The following CHST11 variants were observed in gnomAD, a reference collection of about 807,000 sequenced individuals.
The protein encoded by CHST11 is carbohydrate sulfotransferase 11.
In CHST11, 9 loss-of-function variants were observed where a neutral mutation model predicts 30.4. That is an observed-to-expected ratio of 0.30 (90% CI 0.18 to 0.52). The LOEUF is 0.52. CHST11 is among the 20% of genes least tolerant of loss of function. The pLI, the probability that CHST11 is intolerant of heterozygous loss-of-function variation, is 0.97. For missense variants in CHST11, 348 were observed against 460.6 expected (o/e 0.76, Z 2.24); for synonymous variants, 152 against 187.8 (o/e 0.81, Z 1.56).
chr12:104,746,983 A>G (rs2040393043), intron 2 of CHST11, among the ~76,000 whole-genome samples: 1 of 152,188 alleles, frequency 6.6e-6, no homozygotes, highest in African/African-American at 2.4e-5. Flanking sequence ...CTGGCCCAAG[A>G]TCATATGCCG....
chr12:104,466,819 T>A (rs2037464548), intron 1 of CHST11, among the ~76,000 whole-genome samples: 1 of 152,328 alleles, frequency 6.6e-6, no homozygotes, highest in Admixed American at 6.5e-5. Context: ...ATAGGATCCT[T>A]TCTGACTAGT....
intron 1 of CHST11, among the ~76,000 whole-genome samples, chr12:104,513,060 G>C (rs1351380174): frequency 6.8e-6 from 1 of 148,028 alleles, no homozygotes; most frequent in Non-Finnish European, 1.5e-5. Context: ...AGGTATGCAG[G>C]TCTTGAGGGG....
intron 1 of CHST11, among the ~76,000 whole-genome samples, chr12:104,537,330 C>T (rs942396884): frequency 1.3e-5 from 2 of 152,162 alleles, no homozygotes; most frequent in African/African-American, 2.4e-5. Flanking sequence ...CAGGCAGGTG[C>T]CCAGCATTGA....
At chr12:104,520,801 G>A (rs2038066946) in intron 1 of CHST11, among the ~76,000 whole-genome samples, 1 of 152,146 alleles carries the variant, frequency 6.6e-6, no homozygotes, top group Non-Finnish European at 1.5e-5. Context: ...GCTTGTATCT[G>A]CTCAGGAAGT....
At chr12:104,746,808 C>T (rs1027931887) in intron 2 of CHST11, among the ~76,000 whole-genome samples, 1 of 152,176 alleles carries the variant, frequency 6.6e-6, no homozygotes, top group Non-Finnish European at 1.5e-5. Context: ...TATTTTTCTC[C>T]TTTCTTTTCT....
intron 2 of CHST11, among the ~76,000 whole-genome samples, chr12:104,654,364 C>A (rs887568362): frequency 6.6e-6 from 1 of 152,044 alleles, no homozygotes; most frequent in African/African-American, 2.4e-5. Flanking sequence ...GGGCTGAGAG[C>A]GTGAGAAGCT....
chr12:104,477,474 G>A (rs1014518951), intron 1 of CHST11, among the ~76,000 whole-genome samples: 6 of 152,154 alleles, frequency 3.9e-5, no homozygotes, highest in East Asian at 3.9e-4. Flanking sequence ...TGAATGCTGC[G>A]TCTCTCCCTA....
chr12:104,653,920 C>T (rs2039518383), intron 2 of CHST11, among the ~76,000 whole-genome samples: 1 of 152,160 alleles, frequency 6.6e-6, no homozygotes, highest in South Asian at 2.1e-4. Context: ...TTCTATTTCA[C>T]CTGCAGGGGG....
chr12:104,678,714 G>C (rs1324978937), intron 2 of CHST11, among the ~76,000 whole-genome samples: 1 of 151,970 alleles, frequency 6.6e-6, no homozygotes, highest in East Asian at 1.9e-4. Flanking sequence ...AAAGGACAAG[G>C]TTTTTATTTT....
chr12:104,717,220 G>A (rs1057409839), intron 2 of CHST11, among the ~76,000 whole-genome samples: 5 of 152,196 alleles, frequency 3.3e-5, no homozygotes, highest in African/African-American at 1.2e-4. Context: ...TTAGGATGTG[G>A]ACATCTTGGA....
At chr12:104,572,627 A>G (rs2038640006) in intron 1 of CHST11, among the ~76,000 whole-genome samples, 1 of 151,910 alleles carries the variant, frequency 6.6e-6, no homozygotes, top group African/African-American at 2.4e-5. Flanking sequence ...TAGTCTTGGT[A>G]GCAGTCTATC....
At chr12:104,693,069 C>A (rs367843032) in intron 2 of CHST11, among the ~76,000 whole-genome samples, 7 of 152,080 alleles carry the variant, frequency 4.6e-5, no homozygotes, top group African/African-American at 1.7e-4. Flanking sequence ...GACTGTCTTG[C>A]TGCATCCTCA....
chr12:104,659,008 C>T (rs180826174), intron 2 of CHST11, among the ~76,000 whole-genome samples: 4 of 152,330 alleles, frequency 2.6e-5, no homozygotes, highest in African/African-American at 9.6e-5. Context: ...ACTTAATAGG[C>T]GTAATATTCC....
chr12:104,746,777 A>G (rs2040391665), intron 2 of CHST11, among the ~76,000 whole-genome samples: 2 of 152,164 alleles, frequency 1.3e-5, no homozygotes, highest in African/African-American at 4.8e-5. Flanking sequence ...TCCAGACCAG[A>G]TCGTTTCTTT....
intron 2 of CHST11, among the ~76,000 whole-genome samples, chr12:104,671,197 C>T (rs1321688966): frequency 2.0e-5 from 3 of 152,228 alleles, no homozygotes; most frequent in Non-Finnish European, 4.4e-5. Flanking sequence ...GGCACACCCT[C>T]CTCCGCAAAG....
intron 2 of CHST11, among the ~76,000 whole-genome samples, chr12:104,703,732 G>A (rs1317348218): frequency 6.6e-6 from 1 of 152,228 alleles, no homozygotes; most frequent in African/African-American, 2.4e-5. Flanking sequence ...TCACTGTGTG[G>A]TTCCTCGCAT....
chr12:104,636,393 T>C (rs1056201656), intron 2 of CHST11, among the ~76,000 whole-genome samples: 2 of 152,226 alleles, frequency 1.3e-5, no homozygotes, highest in Non-Finnish European at 2.9e-5. Flanking sequence ...CTCAACTGTT[T>C]ATACAGTTCT....
At chr12:104,714,857 A>G (rs1245437864) in intron 2 of CHST11, among the ~76,000 whole-genome samples, 3 of 152,180 alleles carry the variant, frequency 2.0e-5, no homozygotes, top group Non-Finnish European at 4.4e-5. Flanking sequence ...TAAAATGAGA[A>G]TGATAACAGT....
chr12:104,711,004 C>T (rs562499340), intron 2 of CHST11, among the ~76,000 whole-genome samples: 11 of 152,274 alleles, frequency 7.2e-5, no homozygotes, highest in Admixed American at 2.0e-4. Flanking sequence ...TCTTTTGGAT[C>T]GAGCATCTAG....
Sources: allele counts gnomAD v4.1 joint callset (sites outside exome capture counted in the v4.1 genomes callset), GRCh38; gene constraint gnomAD v4.1.1; transcripts MANE v1.5; gene names NCBI Gene and HGNC (gene_info 2026-07-23, HGNC 2026-07-21).